PAPSS1: variants seen among roughly 807,000 people sequenced by gnomAD.
The protein encoded by PAPSS1 is 3'-phosphoadenosine 5'-phosphosulfate synthase 1.
Under a neutral mutation model 72.0 loss-of-function variants are expected in PAPSS1, and 50 were observed. The ratio of observed to expected loss-of-function variants is 0.69; its 90% CI spans 0.55 to 0.88. The LOEUF is 0.88. PAPSS1 is among the 40% of genes least tolerant of loss of function. The pLI is 0.00. For missense variants in PAPSS1, 657 were observed against 782.2 expected (o/e 0.84, Z 1.91); for synonymous variants, 261 against 263.6 (o/e 0.99, Z 0.09).
At chr4:107,694,497 T>TA (rs1186909057) in intron 2 of PAPSS1, among the ~76,000 whole-genome samples, 3 of 149,828 alleles carry the variant, frequency 2.0e-5, no homozygotes, top group Admixed American at 6.8e-5. Context: ...CAGAAAGGCT[T>TA]AACTAATTTT....
chr4:107,708,363 G>A (rs1004237175), intron 1 of PAPSS1, among the ~76,000 whole-genome samples: 1 of 152,174 alleles, frequency 6.6e-6, no homozygotes, highest in African/African-American at 2.4e-5. Flanking sequence ...AGGAGGAAAA[G>A]GGAGCTAAAG....
intron 10 of PAPSS1, among the ~76,000 whole-genome samples, chr4:107,632,067 C>A (rs1029095326): frequency 6.6e-6 from 1 of 151,828 alleles, no homozygotes; most frequent in East Asian, 1.9e-4. Flanking sequence ...AAGCATATAT[C>A]CACAAATATT....
At chr4:107,670,801 G>A (rs2110329516) in intron 5 of PAPSS1, among the ~76,000 whole-genome samples, 1 of 152,312 alleles carries the variant, frequency 6.6e-6, no homozygotes, top group East Asian at 1.9e-4. Context: ...GTTTCCCAAA[G>A]TGCTGGGATT....
intron 4 of PAPSS1, 137 bp downstream of exon 4, chr4:107,686,902 G>A (rs1722800573): frequency 2.5e-6 from 2 of 798,072 alleles, no homozygotes; most frequent in Non-Finnish European, 2.0e-6. Context: ...AGATAGAACA[G>A]TGTAATAAGA....
At chr4:107,633,917 T>C (rs551871838) in intron 10 of PAPSS1, among the ~76,000 whole-genome samples, 135 of 46,104 alleles carry the variant, frequency 2.9e-3, no homozygotes, top group African/African-American at 8.8e-3. Context: ...AGACTCCGTC[T>C]CAAAAAAAAA....
At chr4:107,653,440 GAA>G in intron 9 of PAPSS1, 49 bp downstream of exon 9, 1 of 1,556,008 alleles carries the variant, frequency 6.4e-7, no homozygotes, top group Non-Finnish European at 8.7e-7. Context: ...AAATCGTCTA[GAA>G]CTTTCTCTCC....
At chr4:107,617,829 T>C (rs1273395969) in intron 11 of PAPSS1, among the ~76,000 whole-genome samples, 1 of 152,182 alleles carries the variant, frequency 6.6e-6, no homozygotes, top group Non-Finnish European at 1.5e-5. Context: ...TCATATTCAA[T>C]GTGCAAGAAA....
intron 5 of PAPSS1, among the ~76,000 whole-genome samples, chr4:107,669,558 C>T (rs62311639): frequency 0.19 from 29,243 of 152,098 alleles, 3,114 homozygotes; most frequent in East Asian, 0.37. Flanking sequence ...TCCGCAGTGT[C>T]CACAAAAGTG....
chr4:107,615,619 TA>T (rs1182912602), intron 11 of PAPSS1, among the ~76,000 whole-genome samples: 3 of 152,182 alleles, frequency 2.0e-5, no homozygotes, highest in Non-Finnish European at 4.4e-5. Context: ...CGAAAGATCC[TA>T]AATAAGTTAC....
chr4:107,631,821 T>C lies in PAPSS1; in HGVS notation c.1546A>G (p.Asn516Asp). The C allele has an allele frequency of 6.2e-7, 1 of 1,614,124 alleles. No homozygotes were observed. The highest frequency in any genetic ancestry group is 1.7e-5 in the Admixed American group (1 of 60,026). ...HCRARMVAGA[N>D]FYIVGRDPAG... ...GGGTCTCGTCCAACAATGTAAAAGTTGGCTCCTGCAACCATCCGTGCTCTG... is the reference window on the plus strand; with the variant it reads ...GGGTCTCGTCCAACAATGTAAAAGTCGGCTCCTGCAACCATCCGTGCTCTG... The change falls in exon 11 of 12, where the codon AAC becomes GAC. Residue 516 changes from asparagine to aspartate, a missense_variant. Asn to Asp is a conservative substitution (Grantham distance 23). Coordinates refer to ENST00000265174, the MANE Select transcript of PAPSS1 (RefSeq NM_005443.5).
chr4:107,713,772 AG>A (rs1723562619), intron 1 of PAPSS1, among the ~76,000 whole-genome samples: 1 of 51,334 alleles, frequency 1.9e-5, no homozygotes, highest in Admixed American at 2.5e-4. Flanking sequence ...AAAAAAAAAA[AG>A]AAAAAAAAAT....
intron 10 of PAPSS1, among the ~76,000 whole-genome samples, chr4:107,636,754 A>G (rs1310745471): frequency 6.6e-6 from 1 of 152,186 alleles, no homozygotes; most frequent in Non-Finnish European, 1.5e-5. Flanking sequence ...TAATTATCTC[A>G]TTTCACCATT....
At chr4:107,647,621 T>C (rs1726728978) in intron 9 of PAPSS1, among the ~76,000 whole-genome samples, 1 of 152,246 alleles carries the variant, frequency 6.6e-6, no homozygotes, top group African/African-American at 2.4e-5. Context: ...AAACGCACTG[T>C]CCTGAAAGCA....
At chr4:107,673,907 A>G (rs1225625413) in intron 5 of PAPSS1, among the ~76,000 whole-genome samples, 4 of 152,228 alleles carry the variant, frequency 2.6e-5, no homozygotes, top group Admixed American at 1.3e-4. Context: ...ATTCTTAAAG[A>G]AAAGAATTTT....
At chr4:107,657,744 CAA>C (rs33998305) in intron 6 of PAPSS1, among the ~76,000 whole-genome samples, 20 of 123,070 alleles carry the variant, frequency 1.6e-4, no homozygotes, top group Admixed American at 2.4e-4. Flanking sequence ...GACCATGTCT[CAA>C]AAAAAAAAAA....
intron 4 of PAPSS1, among the ~76,000 whole-genome samples, chr4:107,683,763 T>TA (rs1333112199): frequency 2.0e-5 from 3 of 152,196 alleles, no homozygotes; most frequent in Non-Finnish European, 4.4e-5. Context: ...AAATGTCATG[T>TA]AAAGGTCTAT....
chr4:107,694,269 A>C (rs1329280533), intron 2 of PAPSS1: 5 of 397,414 alleles, frequency 1.3e-5, no homozygotes, highest in Non-Finnish European at 2.3e-5. Flanking sequence ...ATGTTGCGCC[A>C]GCTGGTCTCA....
intron 1 of PAPSS1, among the ~76,000 whole-genome samples, chr4:107,710,240 C>T (rs1453527877): frequency 6.6e-6 from 1 of 152,070 alleles, no homozygotes; most frequent in Non-Finnish European, 1.5e-5. Context: ...GTCTTCTGTG[C>T]CCTAGTTTCC....
rs548417947 is a variant in PAPSS1 at position 107,640,247 on chromosome 4, A to G, written c.1506+4555T>C. ...ATCTATAACACCATTTTAGCATTAG[A>G]AAGTTAACACTCCCTTCACATCCTC... is the stretch of plus-strand genomic sequence containing the variant. On this transcript the variant is annotated intron_variant, in intron 10 of 11. Coordinates refer to ENST00000265174, the MANE Select transcript of PAPSS1 (RefSeq NM_005443.5). 2.0e-5 allele frequency among the ~76,000 whole-genome samples: 3 copies of G among 152,320 alleles called. No homozygotes were observed. The South Asian group carries it at 6.2e-4, about 32-fold the overall frequency.
Sources: allele counts gnomAD v4.1 joint callset (sites outside exome capture counted in the v4.1 genomes callset), GRCh38; gene constraint gnomAD v4.1.1; transcripts MANE v1.5; gene names NCBI Gene and HGNC (gene_info 2026-07-23, HGNC 2026-07-21).